Variants in PARP11 observed in about 807,000 individuals in gnomAD.
The protein encoded by PARP11 is protein mono-ADP-ribosyltransferase PARP11.
Under a neutral mutation model 42.9 loss-of-function variants are expected in PARP11, and 31 were observed. That is an observed-to-expected ratio of 0.72 (90% CI 0.54 to 0.98). PARP11 has a LOEUF of 0.98. Among genes scored for constraint, PARP11 ranks in the 50% least tolerant of loss-of-function variants. PARP11 has a pLI of 0.00. For synonymous variants in PARP11, 137 were observed against 127.3 expected, an observed-to-expected ratio of 1.08 and a Z score of -0.51; for missense variants, 365 against 413.1, an observed-to-expected ratio of 0.88 and a Z score of 1.01.
chr12:3,828,856 A>T, intron 3 of PARP11, 54 bp downstream of exon 3: 6 of 1,519,548 alleles, frequency 3.9e-6, no homozygotes, highest in Non-Finnish European at 4.5e-6. Flanking sequence ...AGAGCTGTAG[A>T]TTTTATCATA....
intron 1 of PARP11, among the ~76,000 whole-genome samples, chr12:3,867,326 A>G (rs148098618): frequency 6.6e-6 from 1 of 152,330 alleles, no homozygotes; most frequent in African/African-American, 2.4e-5. Context: ...GCAGAAGGAA[A>G]TGGCAGCGTT....
chr12:3,831,137 TCAAAATAAAGCTAAAGACTTTTTTAAC>T lies in PARP11; in HGVS notation c.19-1146_19-1120del, dbSNP rs1360720480. 4.6e-5 allele frequency among the ~76,000 whole-genome samples: 7 copies of T among 152,186 alleles called. No individual in the cohort carries two copies. In the East Asian group the frequency reaches 1.3e-3, roughly 29 times the overall value. ...TTCTTCTTGCAAAAAATCAGAACTTTCAAAATAAAGCTAAAGACTTTTTTAACCATCACTTCCATTCCTGGTACCTTC... is the reference window on the plus strand; with the variant it reads ...TTCTTCTTGCAAAAAATCAGAACTTTCATCACTTCCATTCCTGGTACCTTC... On this transcript the variant is annotated intron_variant, in intron 1 of 7. Transcript: ENST00000228820.
intron 1 of PARP11, among the ~76,000 whole-genome samples, chr12:3,831,066 A>C (rs899763272): frequency 2.6e-5 from 4 of 152,188 alleles, no homozygotes; most frequent in Admixed American, 6.5e-5. Context: ...TCATTCTTTG[A>C]GGGTTTTTAA....
chr12:3,856,662 C>A (rs948624524), intron 1 of PARP11, among the ~76,000 whole-genome samples: 3 of 152,212 alleles, frequency 2.0e-5, no homozygotes, highest in African/African-American at 7.2e-5. Flanking sequence ...AACACTTTTA[C>A]ACTATTGGTG....
chr12:3,832,561 G>A (rs1314648090), intron 1 of PARP11, among the ~76,000 whole-genome samples: 1 of 152,102 alleles, frequency 6.6e-6, no homozygotes, highest in African/African-American at 2.4e-5. Context: ...TCTTTAAAAA[G>A]ATGCATTTTA....
At chr12:3,825,623 A>G (rs1947502499) in intron 4 of PARP11, among the ~76,000 whole-genome samples, 1 of 152,238 alleles carries the variant, frequency 6.6e-6, no homozygotes, top group South Asian at 2.1e-4. Flanking sequence ...TAAAAAATGT[A>G]AATATACAAG....
intron 6 of PARP11, among the ~76,000 whole-genome samples, chr12:3,816,811 A>C (rs559398842): frequency 1.8e-4 from 28 of 152,268 alleles, no homozygotes; most frequent in African/African-American, 6.7e-4. Flanking sequence ...CTGAGGCAGG[A>C]GAATTACTTG....
chr12:3,825,124 G>A (rs1215836035), intron 4 of PARP11, among the ~76,000 whole-genome samples: 2 of 149,340 alleles, frequency 1.3e-5, no homozygotes, highest in Non-Finnish European at 3.0e-5. Flanking sequence ...TTTTTTTCCA[G>A]TTTCATTTTA....
chr12:3,825,929 C>G (rs927706577), intron 4 of PARP11, among the ~76,000 whole-genome samples: 12 of 151,990 alleles, frequency 7.9e-5, no homozygotes, highest in Non-Finnish European at 1.8e-4. Flanking sequence ...GGGGATTCAC[C>G]GTGTGTTAGC....
chr12:3,864,168 G>C (rs1264271554), intron 1 of PARP11, among the ~76,000 whole-genome samples: 6 of 152,124 alleles, frequency 3.9e-5, no homozygotes, highest in Non-Finnish European at 7.4e-5. Flanking sequence ...TTTTGTCAAA[G>C]GCTTTTTCTG....
chr12:3,834,295 C>A (rs1947710106), intron 1 of PARP11, among the ~76,000 whole-genome samples: 1 of 152,206 alleles, frequency 6.6e-6, no homozygotes, highest in Non-Finnish European at 1.5e-5. Flanking sequence ...AGAGGACTGA[C>A]TTTATTTGGA....
chr12:3,835,226 A>C (rs1947733221), intron 1 of PARP11, among the ~76,000 whole-genome samples: 1 of 152,246 alleles, frequency 6.6e-6, no homozygotes, highest in Non-Finnish European at 1.5e-5. Flanking sequence ...GAATGTAAGC[A>C]CAACCTGTGA....
intron 1 of PARP11, among the ~76,000 whole-genome samples, chr12:3,863,552 A>C (rs1948335335): frequency 6.6e-6 from 1 of 152,094 alleles, no homozygotes; most frequent in Non-Finnish European, 1.5e-5. Context: ...GACTCACAAG[A>C]CTCAAAAGTT....
chr12:3,812,356 C>T lies in PARP11; in HGVS notation c.784G>A (p.Gly262Ser). Residue 262 changes from glycine (G) to serine (S), a missense_variant, in exon 8 of 8, where the codon GGT (glycine) becomes AGT (serine). Transcript: ENST00000228820. ...IKHGNTFQIH[G>S]VSLQQRHLFR... ...AGATGCCGCTGTTGCAAGCTGACACCATGAATTTGGAATGTGTTCCCATGC... is the reference window on the plus strand; with the variant it reads ...AGATGCCGCTGTTGCAAGCTGACACTATGAATTTGGAATGTGTTCCCATGC... 6.2e-7 allele frequency: 1 copy of T among 1,614,056 alleles called. No individual in the cohort carries two copies. Among genetic ancestry groups the T allele is most frequent in the Non-Finnish European group, 8.5e-7 (1 of 1,179,922 alleles).
At chr12:3,822,413 A>C (rs999645126) in intron 4 of PARP11, among the ~76,000 whole-genome samples, 1 of 148,182 alleles carries the variant, frequency 6.7e-6, no homozygotes, top group African/African-American at 2.5e-5. Context: ...CCTGGCTAAC[A>C]CGGTGAAACC....
chr12:3,841,609 G>C (rs1236306432), intron 1 of PARP11: 1 of 1,613,248 alleles, frequency 6.2e-7, no homozygotes, highest in Admixed American at 1.7e-5. Context: ...TTACCAGGCT[G>C]ATCTTGAATC....
chr12:3,836,546 C>A (rs563422665), intron 1 of PARP11, among the ~76,000 whole-genome samples: 2 of 152,068 alleles, frequency 1.3e-5, no homozygotes, highest in African/African-American at 2.4e-5. Context: ...AAGAAAAGAG[C>A]GCTGGTAAAA....
chr12:3,823,498 A>G (rs1228658572), intron 4 of PARP11, among the ~76,000 whole-genome samples: 2 of 150,430 alleles, frequency 1.3e-5, no homozygotes, highest in South Asian at 2.1e-4. Context: ...AGCCTGGCAC[A>G]TAGTACACAC....
At position 3,829,028 on chromosome 12, in the gene PARP11, C is replaced by T. The variant is rs376136897; in HGVS notation, c.150G>A (p.Pro50=). The T allele has an allele frequency of 4.0e-5, 64 of 1,613,518 alleles. No homozygotes were observed. The highest frequency in any genetic ancestry group is 8.0e-5 in the African/African-American group (6 of 74,846). ...AECGKWHMFQ[P]DTNSQCSVSS... ...TAACTGAACACTGACTGTTGGTATC[C>T]GGCTTTAAGACAAACCAGAAAGTTT... The change falls in exon 3 of 8, where the codon CCG becomes CCA. Residue 50 remains proline, a splice_region_variant and synonymous_variant. Coordinates refer to ENST00000228820, the MANE Select transcript of PARP11 (RefSeq NM_020367.6).
Sources: gnomAD v4.1 joint callset for allele counts (sites outside exome capture counted in the v4.1 genomes callset) on GRCh38, gnomAD v4.1.1 for gene constraint, MANE v1.5 for transcripts, NCBI Gene and HGNC (gene_info 2026-07-23, HGNC 2026-07-21) for gene names.